SERPIND1: variants seen among roughly 807,000 people sequenced by gnomAD.
The protein encoded by SERPIND1 is serpin family D member 1, also known as heparin cofactor 2.
SERPIND1 carries 34 observed loss-of-function variants against 35.0 expected under a neutral mutation model. The observed-to-expected ratio is 0.97, with a 90% CI of 0.74 to 1.29. The LOEUF (loss-of-function observed/expected upper bound fraction) is 1.29. Among genes scored for constraint, SERPIND1 ranks in the 50% most tolerant of loss-of-function variants. The pLI is 0.00. For missense variants in SERPIND1, 633 were observed against 637.7 expected (o/e 0.99, Z 0.08); for synonymous variants, 236 against 241.1 (o/e 0.98, Z 0.19).
intron 1 of SERPIND1, among the ~76,000 whole-genome samples, chr22:20,774,758 CAAA>C (rs361993): frequency 2.7e-4 from 29 of 107,328 alleles, no homozygotes; most frequent in Admixed American, 3.7e-4. Flanking sequence ...TAGACTCCGT[CAAA>C]AAAAAAAAAA....
chr22:20,782,639 G>A (rs1483695859), intron 2 of SERPIND1, among the ~76,000 whole-genome samples: 1 of 152,194 alleles, frequency 6.6e-6, no homozygotes, highest in Non-Finnish European at 1.5e-5. Flanking sequence ...AAAGGGCCGT[G>A]ATTCCCAAAA....
intron 1 of SERPIND1, among the ~76,000 whole-genome samples, chr22:20,775,862 G>A (rs1046377568): frequency 1.2e-4 from 19 of 152,250 alleles, no homozygotes; most frequent in South Asian, 1.2e-3. Context: ...GTTGGGCAAG[G>A]AGCCTTCTAC....
intron 1 of SERPIND1, among the ~76,000 whole-genome samples, chr22:20,774,518 T>C (rs1197600569): frequency 6.6e-6 from 1 of 152,092 alleles, no homozygotes; most frequent in African/African-American, 2.4e-5. Context: ...ATCCCAACAC[T>C]TTGGGAGGCC....
intron 2 of SERPIND1, 36 bp downstream of exon 2, chr22:20,780,237 A>G (rs771053861): frequency 6.2e-7 from 1 of 1,614,066 alleles, no homozygotes; most frequent in South Asian, 1.1e-5. Flanking sequence ...CAGCAAACCC[A>G]CAACATACTA....
At chr22:20,783,211 A>C (rs1413026104) in intron 2 of SERPIND1, among the ~76,000 whole-genome samples, 1 of 152,202 alleles carries the variant, frequency 6.6e-6, no homozygotes, top group East Asian at 1.9e-4. Context: ...CACTGTCCCC[A>C]TATCTACAGT....
In SERPIND1 at chr22:20,787,401, A is replaced by C; in HGVS notation, c.*335A>C. 1 of 370,982 alleles carries C rather than the reference A, an allele frequency of 2.7e-6. No individual in the cohort carries two copies. Among genetic ancestry groups the C allele is most frequent in the South Asian group, 2.3e-5 (1 of 44,190 alleles). The allele number at this position is 370,982 out of a possible 1,614,324, so 23.0% of individuals were successfully genotyped here. A position where few individuals can be genotyped will look rare whatever the true frequency, so the allele number is the denominator to read the frequency against. On this transcript the variant is annotated 3_prime_UTR_variant, in exon 5 of 5. Coordinates refer to ENST00000215727, the MANE Select transcript of SERPIND1 (RefSeq NM_000185.4). ...CGGTGACCCCATCCTTGCACACCTG[A>C]CTCTGTCACTCAAGCCTTTCTCCAC...
intron 2 of SERPIND1, 117 bp from the exon 3 acceptor site, chr22:20,783,855 G>A (rs1933990170): frequency 7.4e-7 from 1 of 1,357,822 alleles, no homozygotes; most frequent in East Asian, 2.3e-5. Context: ...AGACTGTGGG[G>A]TCGGCTCTGC....
Position 20,784,236 on chromosome 22 carries a change from T to C in SERPIND1, c.1154T>C (p.Met385Thr), listed in dbSNP as rs1569029318. The C allele has an allele frequency of 2.5e-6, 4 of 1,614,144 alleles. No homozygotes were observed. The East Asian group carries it at 6.7e-5, about 27-fold the overall frequency. The stretch of plus-strand genomic sequence containing the variant: ...GTGGTGGAGAGATGGCAAAAAAGCA[T>C]GACAAACAGGTATTTCACACTGTGT... ...PRVVERWQKS[M>T]TNRTREVLLP... Residue 385 changes from methionine (M) to threonine (T), a missense_variant, in exon 3 of 5, where the codon ATG becomes ACG. Coordinates refer to ENST00000215727, the MANE Select transcript of SERPIND1 (RefSeq NM_000185.4).
At chr22:20,779,242 A>G (rs746567923) in intron 1 of SERPIND1, 55 bp from the exon 2 acceptor site, 2 of 1,608,864 alleles carry the variant, frequency 1.2e-6, no homozygotes, top group Non-Finnish European at 1.7e-6. Flanking sequence ...TGGATGCTGC[A>G]GCGGGGTGTG....
chr22:20,779,511 A>G lies in SERPIND1; in HGVS notation c.199A>G (p.Asn67Asp). ...CTTCCACAAGGAAAACACCGTCACC[A>G]ACGACTGGATTCCAGAGGGGGAGGA... ...ADFHKENTVT[N>D]DWIPEGEEDD... The change falls in exon 2 of 5, where the codon AAC becomes GAC. Residue 67 changes from asparagine (N) to aspartate (D), a missense_variant. Transcript: ENST00000215727. The G allele has an allele frequency of 6.2e-7, 1 of 1,614,048 alleles. No homozygotes were observed. Among genetic ancestry groups the G allele is most frequent in the East Asian group, 2.2e-5 (1 of 44,878 alleles).
chr22:20,781,992 T>C (rs1204204238), intron 2 of SERPIND1, among the ~76,000 whole-genome samples: 1 of 152,230 alleles, frequency 6.6e-6, no homozygotes, highest in Non-Finnish European at 1.5e-5. Flanking sequence ...GGAATGAAAC[T>C]GTAGATTACA....
rs561794997 is a variant in SERPIND1 at position 20,776,309 on chromosome 22, G to C, written c.-17+2164G>C. Among the ~76,000 whole-genome samples the C allele has an allele frequency of 5.3e-5, 8 of 152,256 alleles. No individual in the cohort carries two copies. The East Asian group carries it at 1.5e-3, about 29-fold the overall frequency. On this transcript the variant is annotated intron_variant, in intron 1 of 4. Transcript: ENST00000215727. ...ACTGCACTCCAGCCTGGGTGACAGA[G>C]TGAGACCCCGCCGTCTCAAAATAAA...
intron 1 of SERPIND1, among the ~76,000 whole-genome samples, chr22:20,777,219 CTT>C (rs374097207): frequency 1.6e-4 from 22 of 140,954 alleles, no homozygotes; most frequent in Non-Finnish European, 1.6e-4. Context: ...TTTTTCTTTT[CTT>C]TTTTTTTTTT....
chr22:20,786,050 A>C lies in SERPIND1; in HGVS notation c.1210A>C (p.Asn404His), dbSNP rs367657493. 6.2e-7 allele frequency: 1 copy of C among 1,614,196 alleles called. No homozygotes were observed. The highest frequency in any genetic ancestry group is 8.5e-7 in the Non-Finnish European group (1 of 1,180,036). The change falls in exon 4 of 5, where the codon AAT (asparagine) becomes CAT (histidine). Residue 404 changes from asparagine to histidine, a missense_variant. Physicochemically the swap from Asn to His is moderately conservative, Grantham distance 68. Coordinates refer to ENST00000215727, the MANE Select transcript of SERPIND1 (RefSeq NM_000185.4). ...GAAATTCAAGCTGGAGAAGAACTAC[A>C]ATCTAGTGGAGTCCCTGAAGTTGAT... is the stretch of plus-strand genomic sequence containing the variant. Reference protein sequence around the residue: ...LPKFKLEKNYNLVESLKLMGI... With the variant: ...LPKFKLEKNYHLVESLKLMGI...
rs986993673 is a variant in SERPIND1, at chr22:20,787,293, G to C, written c.*227G>C. The C allele has an allele frequency of 1.0e-5, 6 of 571,998 alleles. No individual in the cohort carries two copies. Among genetic ancestry groups the C allele is most frequent in the Non-Finnish European group, 1.9e-5 (6 of 318,732 alleles). 35.4% of individuals were successfully genotyped at this position (571,998 alleles called of 1,614,324 possible). On this transcript the variant is annotated 3_prime_UTR_variant, in exon 5 of 5. Transcript: ENST00000215727. ...GCTCATAGAAGTCACTGTAACTGTA[G>C]TGTGTCTGCTGTTACCTAGAGGGTC...
Position 20,779,912 on chromosome 22 carries a change from T to C in SERPIND1, c.600T>C (p.Asn200=). The change falls in exon 2 of 5, where the codon AAT becomes AAC. Residue 200 remains asparagine (N), a synonymous_variant. Coordinates refer to ENST00000215727, the MANE Select transcript of SERPIND1 (RefSeq NM_000185.4). ...AGTATGAAATCACGACCATTCATAA[T>C]CTCTTCCGTAAGCTGACTCATCGCC... ...SSKYEITTIH[N]LFRKLTHRLF... The C allele has an allele frequency of 6.2e-7, 1 of 1,614,224 alleles. No homozygotes were observed. Among genetic ancestry groups the C allele is most frequent in the African/African-American group, 1.3e-5 (1 of 75,056 alleles).
Position 20,787,261 on chromosome 22 carries a change from G to A in SERPIND1, c.*195G>A, listed in dbSNP as rs1934323455. 1 of 622,332 alleles carries A rather than the reference G, an allele frequency of 1.6e-6. No homozygotes were observed. The highest frequency in any genetic ancestry group is 2.9e-6 in the Non-Finnish European group (1 of 349,054). The allele number at this position is 622,332 out of a possible 1,614,324, so 38.6% of individuals were successfully genotyped here. On this transcript the variant is annotated 3_prime_UTR_variant, in exon 5 of 5. Coordinates refer to ENST00000215727, the MANE Select transcript of SERPIND1 (RefSeq NM_000185.4). ...GAATCAATTCTGCACAATAGCCCATGCTGTAAGCTCATAGAAGTCACTGTA... is the reference window on the plus strand; with the variant it reads ...GAATCAATTCTGCACAATAGCCCATACTGTAAGCTCATAGAAGTCACTGTA...
intron 1 of SERPIND1, among the ~76,000 whole-genome samples, chr22:20,777,462 C>T (rs1601468567): frequency 6.6e-6 from 1 of 152,292 alleles, no homozygotes; most frequent in Non-Finnish European, 1.5e-5. Context: ...AGATGATCCG[C>T]CCACCTCGGC....
intron 2 of SERPIND1, among the ~76,000 whole-genome samples, chr22:20,780,596 T>G (rs1336077773): frequency 6.6e-6 from 1 of 151,660 alleles, no homozygotes; most frequent in African/African-American, 2.4e-5. Context: ...ACCAACATGG[T>G]GAAAACCTGG....
Sources: gnomAD v4.1 joint callset for allele counts (sites outside exome capture counted in the v4.1 genomes callset) on GRCh38, gnomAD v4.1.1 for gene constraint, MANE v1.5 for transcripts, NCBI Gene and HGNC (gene_info 2026-07-23, HGNC 2026-07-21) for gene names.